STARD13: variants seen among roughly 807,000 people sequenced by gnomAD.
STARD13 encodes the protein StAR related lipid transfer domain containing 13.
Under a neutral mutation model 106.4 loss-of-function variants are expected in STARD13, and 62 were observed. That is an observed-to-expected ratio of 0.58 (90% CI 0.48 to 0.72). STARD13 has a LOEUF of 0.72. Ranked by LOEUF, STARD13 falls within the 30% of genes least tolerant of loss-of-function variation. The pLI is 0.00. For synonymous variants in STARD13, 565 were observed against 553.0 expected (o/e 1.02, Z -0.31); for missense variants, 1,387 against 1,424.0 (o/e 0.97, Z 0.42).
the STARD13 span, among the ~76,000 whole-genome samples, chr13:33,588,866 G>A: frequency 1.3e-5 from 2 of 151,978 alleles, no homozygotes; most frequent in Admixed American, 1.3e-4. Context: ...TAACTCACAG[G>A]CTCATTCTTT....
chr13:33,187,076 T>C (rs1356389612), intron 1 of STARD13, among the ~76,000 whole-genome samples: 1 of 152,222 alleles, frequency 6.6e-6, no homozygotes, highest in African/African-American at 2.4e-5. Flanking sequence ...TCTCCCTTCT[T>C]TCTCTCACTA....
rs765661702 is a variant in STARD13, at chr13:33,118,127, C to T, written c.2219G>A (p.Arg740Gln). The T allele has an allele frequency of 9.9e-6, 16 of 1,614,012 alleles. No homozygotes were observed. The highest frequency in any genetic ancestry group is 4.4e-5 in the South Asian group (4 of 91,070). Reference protein sequence around the residue: ...DVADMVKQFFRDLPEPLFTNK... With the variant: ...DVADMVKQFFQDLPEPLFTNK... ...GGTGAAAAGAGGCTCAGGGAGGTCCCGGAAGAACTGTTTCACCATATCCGC... is the reference window on the plus strand; with the variant it reads ...GGTGAAAAGAGGCTCAGGGAGGTCCTGGAAGAACTGTTTCACCATATCCGC... The change falls in exon 8 of 14, where the codon CGG becomes CAG. Residue 740 changes from arginine to glutamine, a missense_variant. Transcript: ENST00000336934.
chr13:33,352,993 C>T (rs1051616341), upstream of STARD13, among the ~76,000 whole-genome samples: 13 of 152,202 alleles, frequency 8.5e-5, no homozygotes, highest in African/African-American at 2.9e-4. Flanking sequence ...TCTTCCCTCC[C>T]ATCGCAGCGG....
chr13:33,120,498 CT>C (rs1566539996), intron 7 of STARD13, among the ~76,000 whole-genome samples: 1 of 152,192 alleles, frequency 6.6e-6, no homozygotes, highest in Non-Finnish European at 1.5e-5. Flanking sequence ...ATTTATTGTG[CT>C]GCCTCGAAGT....
At chr13:33,119,615 A>G (rs1875954547) in intron 7 of STARD13, among the ~76,000 whole-genome samples, 1 of 152,242 alleles carries the variant, frequency 6.6e-6, no homozygotes, top group Non-Finnish European at 1.5e-5. Flanking sequence ...TGTATATGTC[A>G]GCCGAATGGA....
At chr13:33,533,443 G>A in the STARD13 span, among the ~76,000 whole-genome samples, 1 of 152,136 alleles carries the variant, frequency 6.6e-6, no homozygotes, top group Non-Finnish European at 1.5e-5. Flanking sequence ...GTAACCAGAG[G>A]ATGTTTTATT....
chr13:33,659,256 C>T, the STARD13 span, among the ~76,000 whole-genome samples: 1 of 133,954 alleles, frequency 7.5e-6, no homozygotes, highest in Non-Finnish European at 1.6e-5. Flanking sequence ...TGCTCTGTTG[C>T]CCAGGCTGGA....
intron 8 of STARD13, among the ~76,000 whole-genome samples, chr13:33,115,857 TA>T (rs1875293823): frequency 6.6e-6 from 1 of 152,202 alleles, no homozygotes; most frequent in Non-Finnish European, 1.5e-5. Flanking sequence ...TTGTGACAAT[TA>T]TATTGTGACC....
intron 1 of STARD13, among the ~76,000 whole-genome samples, chr13:33,225,782 T>C (rs1399493430): frequency 6.6e-6 from 1 of 152,196 alleles, no homozygotes; most frequent in Non-Finnish European, 1.5e-5. Flanking sequence ...CGTATTAATA[T>C]GTGATTTCCT....
chr13:33,652,609 A>AT, the STARD13 span, among the ~76,000 whole-genome samples: 1 of 152,250 alleles, frequency 6.6e-6, no homozygotes, highest in Non-Finnish European at 1.5e-5. Context: ...CAAAGCCAAT[A>AT]TAATGGAGCA....
chr13:33,127,668 G>T, intron 5 of STARD13, 122 bp from the exon 6 acceptor site: 1 of 945,666 alleles, frequency 1.1e-6, no homozygotes, highest in Non-Finnish European at 1.5e-6. Flanking sequence ...AAATCGCAAA[G>T]CAAATGGAAC....
chr13:33,380,503 T>C, the STARD13 span, among the ~76,000 whole-genome samples: 1 of 119,866 alleles, frequency 8.3e-6, no homozygotes, highest in Non-Finnish European at 1.6e-5. Context: ...AAATTCAAGT[T>C]CATCCAGTTG....
the STARD13 span, among the ~76,000 whole-genome samples, chr13:33,528,077 A>T: frequency 6.7e-6 from 1 of 150,044 alleles, no homozygotes; most frequent in Non-Finnish European, 1.5e-5. Context: ...CCTATATCTC[A>T]ACAAAGTAGT....
chr13:33,167,401 C>G (rs1347493391), intron 2 of STARD13, 150 bp downstream of exon 2: 2 of 684,122 alleles, frequency 2.9e-6, no homozygotes, highest in Non-Finnish European at 5.0e-6. Flanking sequence ...TCAGGATAAC[C>G]CCTGGGCATA....
chr13:33,314,712 G>A (rs1196166607), intron 1 of STARD13, among the ~76,000 whole-genome samples: 1 of 152,104 alleles, frequency 6.6e-6, no homozygotes, highest in Non-Finnish European at 1.5e-5. Flanking sequence ...ACAAAGAAAT[G>A]ACCAGAAAAC....
At chr13:33,521,464 T>C in the STARD13 span, among the ~76,000 whole-genome samples, 7 of 152,258 alleles carry the variant, frequency 4.6e-5, no homozygotes, top group Admixed American at 3.9e-4. Flanking sequence ...ACAGAATCTA[T>C]TGTCTATCTT....
At chr13:33,429,594 A>G in the STARD13 span, among the ~76,000 whole-genome samples, 1 of 152,182 alleles carries the variant, frequency 6.6e-6, no homozygotes, top group African/African-American at 2.4e-5. Flanking sequence ...AAAAAACAAT[A>G]AGACCCTGCC....
At chr13:33,526,369 CT>C in the STARD13 span, among the ~76,000 whole-genome samples, 1 of 151,954 alleles carries the variant, frequency 6.6e-6, no homozygotes, top group Non-Finnish European at 1.5e-5. Flanking sequence ...GCTATGAATC[CT>C]TACAAATAAG....
chr13:33,532,739 G>A, the STARD13 span, among the ~76,000 whole-genome samples: 1 of 152,134 alleles, frequency 6.6e-6, no homozygotes, highest in South Asian at 2.1e-4. Flanking sequence ...TTGTACTTCT[G>A]AGCAATTGTT....
Sources: gnomAD v4.1 joint callset for allele counts (sites outside exome capture counted in the v4.1 genomes callset) on GRCh38, gnomAD v4.1.1 for gene constraint, MANE v1.5 for transcripts, NCBI Gene and HGNC (gene_info 2026-07-23, HGNC 2026-07-21) for gene names.